Variants in DHX57 observed in about 807,000 individuals in gnomAD.
DHX57 encodes the protein putative ATP-dependent RNA helicase DHX57.
A neutral mutation model predicts 156.2 loss-of-function variants in DHX57; 105 were observed. The ratio of observed to expected loss-of-function variants is 0.67; its 90% CI spans 0.57 to 0.79. DHX57 has a LOEUF of 0.79. Ranked by LOEUF, DHX57 falls within the 30% of genes least tolerant of loss-of-function variation. The pLI is 0.00. For synonymous variants in DHX57, 704 were observed against 595.6 expected (o/e 1.18, Z -2.65); for missense variants, 1,847 against 1,661.9 (o/e 1.11, Z -1.94).
intron 7 of DHX57, among the ~76,000 whole-genome samples, 198 bp from the exon 8 acceptor site, chr2:38,855,450 C>T: frequency 1.0e-5 from 1 of 96,294 alleles, no homozygotes; most frequent in East Asian, 2.5e-4. Flanking sequence ...ATCAAAAGGA[C>T]AATCAAATAA....
intron 13 of DHX57, among the ~76,000 whole-genome samples, chr2:38,834,255 T>C (rs1372995869): frequency 1.4e-5 from 2 of 144,950 alleles, no homozygotes; most frequent in African/African-American, 5.2e-5. Flanking sequence ...TGCTTGAACC[T>C]GGGAAGCGGA....
chr2:38,826,542 G>GATA lies in DHX57; in HGVS notation c.2784_2786dup (p.Ile929dup). ...TCTTTTCTTTCATTTTCCCAGAATC[G>GATA]ATAACATAGACAACATCATCGATGG... On this transcript the variant is annotated inframe_insertion, in exon 15 of 24. Coordinates refer to ENST00000457308, the MANE Select transcript of DHX57 (RefSeq NM_198963.3). 6.2e-7 allele frequency: 1 copy of GATA among 1,613,786 alleles called. No homozygotes were observed. Among genetic ancestry groups the GATA allele is most frequent in the Non-Finnish European group, 8.5e-7 (1 of 1,179,910 alleles).
chr2:38,802,128 C>G (rs957456636), intron 23 of DHX57, among the ~76,000 whole-genome samples: 3 of 152,102 alleles, frequency 2.0e-5, no homozygotes, highest in Non-Finnish European at 4.4e-5. Context: ...GAAGGTCCAG[C>G]ACCCTCACTT....
chr2:38,810,601 T>C, intron 21 of DHX57: 1 of 614,198 alleles, frequency 1.6e-6, no homozygotes, highest in Middle Eastern at 4.8e-4. Context: ...GCAGAGGATG[T>C]ACACCTGGCC....
At chr2:38,835,520 C>T (rs1272176571) in intron 13 of DHX57, among the ~76,000 whole-genome samples, 1 of 152,134 alleles carries the variant, frequency 6.6e-6, no homozygotes, top group Admixed American at 6.5e-5. Context: ...CCACTGGCCA[C>T]CCAGAACCCC....
intron 21 of DHX57, among the ~76,000 whole-genome samples, chr2:38,813,011 C>A (rs1038589497): frequency 1.3e-5 from 2 of 151,936 alleles, no homozygotes; most frequent in Non-Finnish European, 2.9e-5. Flanking sequence ...CCACACCCAG[C>A]TAATTTTTGT....
At chr2:38,835,050 G>A (rs1028912099) in intron 13 of DHX57, among the ~76,000 whole-genome samples, 3 of 152,126 alleles carry the variant, frequency 2.0e-5, no homozygotes, top group African/African-American at 4.8e-5. Flanking sequence ...TTAGAAAGAG[G>A]TTTGGCTTTT....
intron 13 of DHX57, among the ~76,000 whole-genome samples, chr2:38,835,969 C>A (rs950617000): frequency 2.0e-5 from 3 of 152,170 alleles, no homozygotes; most frequent in Non-Finnish European, 2.9e-5. Context: ...GGGGAATTAA[C>A]AGAAGATGAC....
chr2:38,826,076 G>A, intron 15 of DHX57, 29 bp from the exon 16 acceptor site: 4 of 1,598,222 alleles, frequency 2.5e-6, no homozygotes, highest in African/African-American at 1.3e-5. Flanking sequence ...TATAAATTGA[G>A]TCATTTTATA....
chr2:38,810,409 C>G (rs1670179157), intron 21 of DHX57: 2 of 511,010 alleles, frequency 3.9e-6, no homozygotes, highest in Non-Finnish European at 7.7e-6. Flanking sequence ...AGTGAGGTGG[C>G]CCTAGCTCCC....
At chr2:38,829,409 G>C (rs1388964180) in intron 13 of DHX57, among the ~76,000 whole-genome samples, 1 of 151,860 alleles carries the variant, frequency 6.6e-6, no homozygotes, top group Non-Finnish European at 1.5e-5. Context: ...ATCCTCCTGA[G>C]TAGCTGGGAT....
chr2:38,852,028 T>C (rs1672620481), intron 9 of DHX57, among the ~76,000 whole-genome samples: 1 of 152,112 alleles, frequency 6.6e-6, no homozygotes, highest in Non-Finnish European at 1.5e-5. Flanking sequence ...TAATATTTAT[T>C]ATTGTCTTGT....
intron 17 of DHX57, among the ~76,000 whole-genome samples, chr2:38,820,900 A>T (rs1670778528): frequency 2.6e-5 from 4 of 151,452 alleles, no homozygotes; most frequent in Admixed American, 2.6e-4. Context: ...AGGCAGACTG[A>T]CACTCTACCC....
intron 2 of DHX57, among the ~76,000 whole-genome samples, chr2:38,866,949 T>C (rs1375481225): frequency 1.3e-5 from 2 of 152,200 alleles, no homozygotes; most frequent in African/African-American, 4.8e-5. Flanking sequence ...GCCTTCACAT[T>C]CACTCACCAC....
intron 17 of DHX57, 80 bp downstream of exon 17, chr2:38,822,913 C>T: frequency 7.5e-7 from 1 of 1,335,824 alleles, no homozygotes; most frequent in Non-Finnish European, 9.7e-7. Context: ...GGCTCACATG[C>T]CCTTGATTTC....
chr2:38,823,028 T>C lies in DHX57; in HGVS notation c.3256A>G (p.Thr1086Ala), dbSNP rs1457186809. 2 of 1,614,136 alleles carry C rather than the reference T, an allele frequency of 1.2e-6. No homozygotes were observed. The highest frequency in any genetic ancestry group is 1.7e-6 in the Non-Finnish European group (2 of 1,180,016). The change falls in exon 17 of 24, where the codon ACC becomes GCC. Residue 1086 changes from threonine to alanine, a missense_variant. Thr to Ala is a moderately conservative substitution (Grantham distance 58, BLOSUM62 0). Coordinates refer to ENST00000457308, the MANE Select transcript of DHX57 (RefSeq NM_198963.3). ...SIFRCLDPAL[T>A]IAASLAFKSP... is the part of the protein sequence containing the mutation. ...TTAAAAGCCAAACTGGCAGCAATGGTGAGAGCAGGATCCAAACAGCGGAAG... is the reference window on the plus strand; with the variant it reads ...TTAAAAGCCAAACTGGCAGCAATGGCGAGAGCAGGATCCAAACAGCGGAAG...
At chr2:38,825,744 T>C in intron 16 of DHX57, 103 bp downstream of exon 16, 1 of 1,205,914 alleles carries the variant, frequency 8.3e-7, no homozygotes, top group Admixed American at 2.0e-5. Flanking sequence ...TGGTGGTCAT[T>C]CTTAGCCAAA....
intron 22 of DHX57, among the ~76,000 whole-genome samples, chr2:38,806,055 GA>G (rs1213849724): frequency 2.6e-5 from 4 of 152,202 alleles, no homozygotes; most frequent in African/African-American, 9.7e-5. Context: ...ACATCAAGGA[GA>G]ATTTCAAGAG....
intron 21 of DHX57, among the ~76,000 whole-genome samples, chr2:38,809,123 C>T (rs3112213): frequency 0.93 from 141,181 of 152,128 alleles, 66,366 homozygotes; most frequent in Non-Finnish European, 1. Context: ...AAGTTTTGCC[C>T]ATTTATTATT....
Sources: allele counts gnomAD v4.1 joint callset (sites outside exome capture counted in the v4.1 genomes callset), GRCh38; gene constraint gnomAD v4.1.1; transcripts MANE v1.5; gene names NCBI Gene and HGNC (gene_info 2026-07-23, HGNC 2026-07-21).